NCKAP5: variants seen among roughly 807,000 people sequenced by gnomAD.
NCKAP5 encodes NCK associated protein 5.
NCKAP5 carries 92 observed loss-of-function variants against 167.0 expected under a neutral mutation model. The ratio of observed to expected loss-of-function variants is 0.55; its 90% CI spans 0.47 to 0.66. The LOEUF is 0.66. Ranked by LOEUF, NCKAP5 falls within the 30% of genes least tolerant of loss-of-function variation. The pLI is 0.00. For missense variants in NCKAP5, 2,378 were observed against 2,315.0 expected (o/e 1.03, Z -0.56); for synonymous variants, 891 against 877.4 (o/e 1.02, Z -0.27).
chr2:133,320,821 C>T (rs1681996968), intron 3 of NCKAP5, among the ~76,000 whole-genome samples: 1 of 152,200 alleles, frequency 6.6e-6, no homozygotes, highest in South Asian at 2.1e-4. Context: ...AGACATGTTC[C>T]ATAGCATGAA....
At chr2:133,280,447 C>T (rs2089894614) in intron 4 of NCKAP5, among the ~76,000 whole-genome samples, 2 of 152,070 alleles carry the variant, frequency 1.3e-5, no homozygotes, top group South Asian at 2.1e-4. Context: ...GACTCTCTTG[C>T]CCAGGCTGGA....
At chr2:132,807,817 C>T (rs184528508) in intron 11 of NCKAP5, among the ~76,000 whole-genome samples, 5 of 152,212 alleles carry the variant, frequency 3.3e-5, no homozygotes, top group African/African-American at 1.2e-4. Context: ...TGAGAGTGGG[C>T]ATCCTTGTCT....
Position 133,526,214 on chromosome 2 carries a change from AGG to A in NCKAP5, c.-61-8629_-61-8628del, listed in dbSNP as rs1558755259. Among the ~76,000 whole-genome samples, 366 of 135,406 alleles carry A rather than the reference AGG, an allele frequency of 2.7e-3. 14 individuals carry two copies. The highest frequency in any genetic ancestry group is 0.025 in the Admixed American group (326 of 13,046). 88.8% of individuals were successfully genotyped at this position (135,406 alleles called of 152,430 possible). A position where few individuals can be genotyped will look rare whatever the true frequency, so the allele number is the denominator to read the frequency against. On this transcript the variant is annotated intron_variant, in intron 2 of 19. Transcript: ENST00000409261. ...AAGGAAGGAAGGAAGGAAGGAAGGA[AGG>A]AAGGAAGGAAGAAAGGAAAGGAGGG...
At chr2:132,940,109 T>A (rs2149095805) in intron 8 of NCKAP5, among the ~76,000 whole-genome samples, 1 of 152,322 alleles carries the variant, frequency 6.6e-6, no homozygotes. Context: ...CCTCATAGCT[T>A]AGCTCCCACT....
rs192057730 is a variant in NCKAP5 at position 133,162,018 on chromosome 2, C to T, written c.208-31907G>A. On this transcript the variant is annotated intron_variant, in intron 5 of 19. Coordinates refer to ENST00000409261, the MANE Select transcript of NCKAP5 (RefSeq NM_207363.3). ...GGGCTTCACCTAATTCTTCCTATCT[C>T]CAAGGAACTATTTAAAGCAGATTTG... Among the ~76,000 whole-genome samples, 166 of 152,292 alleles carry T rather than the reference C, an allele frequency of 1.1e-3. 1 individual carries two copies. Among genetic ancestry groups the T allele is most frequent in the African/African-American group, 3.9e-3 (163 of 41,560 alleles).
In NCKAP5 at chr2:132,826,321, T is replaced by G. The variant is rs1233672450; in HGVS notation, c.808-29592A>C. The stretch of plus-strand genomic sequence containing the variant: ...CCTTTAAATCTTTGAATCATTTAAT[T>G]TTATGTATTCTTTTGGTATTCCATT... On this transcript the variant is annotated intron_variant, in intron 11 of 19. Coordinates refer to ENST00000409261, the MANE Select transcript of NCKAP5 (RefSeq NM_207363.3). 3.3e-5 allele frequency among the ~76,000 whole-genome samples: 5 copies of G among 152,220 alleles called. No homozygotes were observed. In the South Asian group the frequency reaches 8.3e-4, roughly 25 times the overall value.
At chr2:133,376,947 G>C (rs1686185661) in intron 3 of NCKAP5, among the ~76,000 whole-genome samples, 1 of 152,126 alleles carries the variant, frequency 6.6e-6, no homozygotes, top group Non-Finnish European at 1.5e-5. Context: ...TCTGTAGAGA[G>C]GCCCAAAAGA....
intron 16 of NCKAP5, among the ~76,000 whole-genome samples, chr2:132,733,980 A>T (rs17397163): frequency 6.6e-6 from 1 of 151,980 alleles, no homozygotes; most frequent in African/African-American, 2.4e-5. Flanking sequence ...TCATTTAACC[A>T]TCTCATATGC....
At chr2:132,746,623 T>C (rs1679668952) in intron 16 of NCKAP5, among the ~76,000 whole-genome samples, 1 of 152,146 alleles carries the variant, frequency 6.6e-6, no homozygotes, top group Non-Finnish European at 1.5e-5. Context: ...GCAACACAGC[T>C]ATAATACTCT....
intron 11 of NCKAP5, among the ~76,000 whole-genome samples, chr2:132,850,300 A>G (rs1472084207): frequency 2.0e-5 from 3 of 152,130 alleles, no homozygotes; most frequent in Admixed American, 1.3e-4. Context: ...CAGACCATTA[A>G]ATGTCTTTTA....
intron 3 of NCKAP5, among the ~76,000 whole-genome samples, chr2:133,452,370 C>T (rs989529501): frequency 2.6e-5 from 4 of 152,120 alleles, no homozygotes; most frequent in Non-Finnish European, 1.5e-5. Flanking sequence ...ATTATGGGAT[C>T]AGGGGAAGCC....
intron 8 of NCKAP5, among the ~76,000 whole-genome samples, chr2:132,936,685 A>G (rs1319788431): frequency 6.6e-6 from 1 of 152,186 alleles, no homozygotes; most frequent in African/African-American, 2.4e-5. Context: ...AATTTAGAAG[A>G]CTACATACAC....
intron 8 of NCKAP5, among the ~76,000 whole-genome samples, chr2:132,908,591 C>T (rs1418429640): frequency 6.6e-6 from 1 of 152,098 alleles, no homozygotes; most frequent in Non-Finnish European, 1.5e-5. Context: ...GTTTTTAAGC[C>T]TCTTGATTTA....
chr2:133,388,160 C>T (rs1004387474), intron 3 of NCKAP5, among the ~76,000 whole-genome samples: 2 of 147,366 alleles, frequency 1.4e-5, no homozygotes, highest in Admixed American at 6.6e-5. Flanking sequence ...TTTTTTTCCC[C>T]ATTTTTGTGG....
chr2:133,209,466 CA>C (rs201418877), intron 5 of NCKAP5, among the ~76,000 whole-genome samples: 2 of 150,154 alleles, frequency 1.3e-5, no homozygotes, highest in Admixed American at 1.3e-4. Context: ...AACAAACAAA[CA>C]AAAAAACAGT....
At chr2:132,987,402 T>C (rs1006247427) in intron 7 of NCKAP5, among the ~76,000 whole-genome samples, 1 of 152,214 alleles carries the variant, frequency 6.6e-6, no homozygotes. Flanking sequence ...AGGAACTGGA[T>C]ATATATTTCA....
At chr2:133,072,274 T>C (rs1171690911) in intron 6 of NCKAP5, among the ~76,000 whole-genome samples, 1 of 152,018 alleles carries the variant, frequency 6.6e-6, no homozygotes, top group Non-Finnish European at 1.5e-5. Flanking sequence ...TTAGTAGAGA[T>C]GGGGTTTCAC....
At chr2:133,374,903 A>T (rs1351380606) in intron 3 of NCKAP5, among the ~76,000 whole-genome samples, 1 of 152,146 alleles carries the variant, frequency 6.6e-6, no homozygotes, top group Non-Finnish European at 1.5e-5. Context: ...GGCCAAATTA[A>T]CTGTCTTTTC....
Position 133,349,008 on chromosome 2 carries a change from A to G in NCKAP5, c.70-45898T>C, listed in dbSNP as rs140442745. Among the ~76,000 whole-genome samples, 1,083 of 152,300 alleles carry G rather than the reference A, an allele frequency of 7.1e-3. 14 individuals carry two copies. The highest frequency in any genetic ancestry group is 0.023 in the African/African-American group (947 of 41,562). On this transcript the variant is annotated intron_variant, in intron 3 of 19. Coordinates refer to ENST00000409261, the MANE Select transcript of NCKAP5 (RefSeq NM_207363.3). ...TATGTCCTTCCAAATATAACTCTCAAGCACTTTTTTTCCCAAAAGCAGCTT... is the reference window on the plus strand; with the variant it reads ...TATGTCCTTCCAAATATAACTCTCAGGCACTTTTTTTCCCAAAAGCAGCTT...
Sources: allele counts gnomAD v4.1 joint callset (sites outside exome capture counted in the v4.1 genomes callset), GRCh38; gene constraint gnomAD v4.1.1; transcripts MANE v1.5; gene names NCBI Gene and HGNC (gene_info 2026-07-23, HGNC 2026-07-21).